TRMT11: variants seen among roughly 807,000 people sequenced by gnomAD.
TRMT11 encodes the protein tRNA methyltransferase 11.
A neutral mutation model predicts 62.8 loss-of-function variants in TRMT11; 53 were observed. The ratio of observed to expected loss-of-function variants is 0.84; its 90% CI spans 0.68 to 1.06. TRMT11 has a LOEUF of 1.06. TRMT11 is among the 50% of genes least tolerant of loss of function. The pLI is 0.00. For synonymous variants in TRMT11, 188 were observed against 190.3 expected (o/e 0.99, Z 0.10); for missense variants, 556 against 553.4 (o/e 1.00, Z -0.05).
At chr6:125,998,844 G>A (rs1318917599) in intron 6 of TRMT11, among the ~76,000 whole-genome samples, 160 bp downstream of exon 6, 2 of 152,004 alleles carry the variant, frequency 1.3e-5, no homozygotes, top group Non-Finnish European at 2.9e-5. Context: ...TTTGTTTTGT[G>A]TTTTCCCAGA....
intron 1 of TRMT11, among the ~76,000 whole-genome samples, chr6:126,182,695 C>G (rs1377447243): frequency 6.6e-6 from 1 of 152,020 alleles, no homozygotes; most frequent in East Asian, 1.9e-4. Context: ...AGCCTTCATT[C>G]CTGTGCAGGT....
chr6:126,021,799 C>T (rs1351640701), intron 12 of TRMT11, among the ~76,000 whole-genome samples: 4 of 152,182 alleles, frequency 2.6e-5, no homozygotes, highest in Non-Finnish European at 5.9e-5. Flanking sequence ...TTCATACTCT[C>T]TTACATACAA....
intron 17 of TRMT11, among the ~76,000 whole-genome samples, chr6:126,101,372 T>C (rs1299580551): frequency 6.6e-6 from 1 of 152,248 alleles, no homozygotes; most frequent in Non-Finnish European, 1.5e-5. Flanking sequence ...GTAATACTAT[T>C]CTATATTTTA....
At chr6:126,251,329 C>T in the TRMT11 span, among the ~76,000 whole-genome samples, 14 of 151,654 alleles carry the variant, frequency 9.2e-5, no homozygotes, top group Non-Finnish European at 1.8e-4. Flanking sequence ...GCACCCGGCC[C>T]CAATTTTTCA....
chr6:126,063,719 AG>A (rs1776604705), intron 17 of TRMT11, among the ~76,000 whole-genome samples: 1 of 152,214 alleles, frequency 6.6e-6, no homozygotes, highest in Non-Finnish European at 1.5e-5. Context: ...TTGAGAGGCA[AG>A]GGTCTCTAGA....
chr6:126,213,495 T>G, the TRMT11 span, among the ~76,000 whole-genome samples: 1 of 152,060 alleles, frequency 6.6e-6, no homozygotes, highest in East Asian at 1.9e-4. Context: ...GTATTTAATT[T>G]TATTTGTTGC....
At chr6:125,989,143 T>C (rs927223087) in intron 1 of TRMT11, among the ~76,000 whole-genome samples, 3 of 148,524 alleles carry the variant, frequency 2.0e-5, no homozygotes, top group African/African-American at 7.5e-5. Context: ...TTTTTTTTTT[T>C]TTTTGAGACG....
intron 17 of TRMT11, among the ~76,000 whole-genome samples, chr6:126,069,370 A>G (rs891038652): frequency 2.6e-5 from 4 of 152,270 alleles, no homozygotes; most frequent in Non-Finnish European, 4.4e-5. Flanking sequence ...GCCCTGCATT[A>G]TCTTTACTGT....
intron 2 of TRMT11, among the ~76,000 whole-genome samples, chr6:126,199,167 G>A (rs1484622634): frequency 6.6e-6 from 1 of 152,226 alleles, no homozygotes; most frequent in African/African-American, 2.4e-5. Context: ...TATAACAGCT[G>A]TGAACACAAA....
intron 21 of TRMT11, among the ~76,000 whole-genome samples, chr6:126,128,656 C>T (rs573481516): frequency 1.2e-4 from 19 of 152,038 alleles, no homozygotes; most frequent in African/African-American, 3.4e-4. Flanking sequence ...GCCTTTCCTG[C>T]GTGGGGTGAT....
intron 17 of TRMT11, among the ~76,000 whole-genome samples, chr6:126,070,738 A>G (rs1229962794): frequency 4.6e-5 from 7 of 152,260 alleles, no homozygotes; most frequent in African/African-American, 1.4e-4. Flanking sequence ...ATTTACTGAA[A>G]CAATGTGCCA....
At chr6:126,132,305 C>T (rs936562096) in intron 21 of TRMT11, among the ~76,000 whole-genome samples, 4 of 152,144 alleles carry the variant, frequency 2.6e-5, no homozygotes, top group African/African-American at 9.6e-5. Context: ...TCTGTGGACT[C>T]ACTTCTGAAT....
intron 17 of TRMT11, among the ~76,000 whole-genome samples, chr6:126,109,532 A>G: frequency 6.6e-6 from 1 of 152,124 alleles, no homozygotes; most frequent in South Asian, 2.1e-4. Flanking sequence ...TTGTCCAGCT[A>G]TTGGTGATGT....
At chr6:126,119,894 T>C (rs555632057) in intron 21 of TRMT11, among the ~76,000 whole-genome samples, 1 of 152,122 alleles carries the variant, frequency 6.6e-6, no homozygotes, top group African/African-American at 2.4e-5. Flanking sequence ...ACTGGGACAT[T>C]ATTTAAAATA....
chr6:126,012,135 CAAAA>C (rs1274273629), intron 9 of TRMT11, among the ~76,000 whole-genome samples: 14 of 152,086 alleles, frequency 9.2e-5, no homozygotes, highest in Admixed American at 9.2e-4. Context: ...TGTAATGTAA[CAAAA>C]GAAAAATTAT....
chr6:126,108,168 G>T (rs1777485331), intron 17 of TRMT11, among the ~76,000 whole-genome samples: 2 of 152,122 alleles, frequency 1.3e-5, no homozygotes, highest in Non-Finnish European at 2.9e-5. Context: ...TGCTGCTCTT[G>T]CCTGTAATTT....
intron 12 of TRMT11, among the ~76,000 whole-genome samples, chr6:126,034,916 G>A (rs533685239): frequency 1.3e-5 from 2 of 152,014 alleles, no homozygotes; most frequent in East Asian, 1.9e-4. Flanking sequence ...GTTGAGACGC[G>A]CAGGGAATGT....
intron 17 of TRMT11, among the ~76,000 whole-genome samples, chr6:126,054,966 C>T (rs1562308488): frequency 6.6e-6 from 1 of 152,126 alleles, no homozygotes; most frequent in Non-Finnish European, 1.5e-5. Flanking sequence ...TGCTGACGAA[C>T]ATTTTTGTTG....
At chr6:126,185,319 C>G (rs1778514887) in intron 1 of TRMT11, among the ~76,000 whole-genome samples, 1 of 152,246 alleles carries the variant, frequency 6.6e-6, no homozygotes, top group African/African-American at 2.4e-5. Flanking sequence ...CATCACAAAT[C>G]TTTTTGGCAC....
Sources: allele counts gnomAD v4.1 joint callset (sites outside exome capture counted in the v4.1 genomes callset), GRCh38; gene constraint gnomAD v4.1.1; transcripts MANE v1.5; gene names NCBI Gene and HGNC (gene_info 2026-07-23, HGNC 2026-07-21).